Variants in SKP2 observed in about 807,000 individuals in gnomAD.
The protein encoded by SKP2 is S-phase kinase associated protein 2.
In SKP2, 16 loss-of-function variants were observed where a neutral mutation model predicts 51.8. The ratio of observed to expected loss-of-function variants is 0.31; its 90% CI spans 0.21 to 0.47. The LOEUF (loss-of-function observed/expected upper bound fraction) is 0.47. Ranked by LOEUF, SKP2 falls within the 20% of genes least tolerant of loss-of-function variation. The pLI is 1.00. For missense variants in SKP2, 377 were observed against 505.3 expected (o/e 0.75, Z 2.43); for synonymous variants, 176 against 198.6 (o/e 0.89, Z 0.96).
chr5:36,171,588 C>A lies in SKP2; in HGVS notation c.771-15C>A. ...GATGGTTTCATATTTTGTTTATTAC[C>A]CCTCTTTTGTGCAGACTGGATGAGC... On this transcript the variant is annotated splice_polypyrimidine_tract_variant and intron_variant, in intron 6 of 9. Transcript: ENST00000274255. 2 of 1,608,758 alleles carry A rather than the reference C, an allele frequency of 1.2e-6. No homozygotes were observed. Among genetic ancestry groups the A allele is most frequent in the Non-Finnish European group, 1.7e-6 (2 of 1,177,010 alleles).
At chr5:36,179,893 G>A (rs1311152240) in intron 9 of SKP2, among the ~76,000 whole-genome samples, 1 of 145,530 alleles carries the variant, frequency 6.9e-6, no homozygotes, top group Non-Finnish European at 1.5e-5. Flanking sequence ...CTGAGTTGTA[G>A]GTAATGCACA....
intron 8 of SKP2, 77 bp downstream of exon 8, chr5:36,177,093 T>C (rs1745658780): frequency 2.3e-6 from 3 of 1,327,358 alleles, no homozygotes; most frequent in Non-Finnish European, 3.2e-6. Context: ...AGGATCATAA[T>C]GTTGAAGCAA....
rs112367243 is a variant in SKP2, at chr5:36,172,475, C to G, written c.901+742C>G. Among the ~76,000 whole-genome samples the G allele has an allele frequency of 3.6e-3, 542 of 152,226 alleles. 6 individuals carry two copies. The highest frequency in any genetic ancestry group is 0.013 in the African/African-American group (523 of 41,548). ...TGCAAAGATAAGTGATTACAAATGG[C>G]AAGTTTTTTAAATGGCTTCACCGTC... On this transcript the variant is annotated intron_variant, in intron 7 of 9. Transcript: ENST00000274255.
intron 4 of SKP2, 84 bp from the exon 5 acceptor site, chr5:36,168,229 T>G: frequency 7.6e-7 from 1 of 1,314,050 alleles, no homozygotes; most frequent in Non-Finnish European, 1.1e-6. Flanking sequence ...TGGCTGCTCA[T>G]TTGGGGAGAA....
chr5:36,175,948 T>TA (rs1008960771), intron 7 of SKP2, among the ~76,000 whole-genome samples: 137 of 148,740 alleles, frequency 9.2e-4, no homozygotes, highest in African/African-American at 2.6e-3. Context: ...CTGAATTCTT[T>TA]AAAAAAAAAA....
chr5:36,170,588 A>C, intron 6 of SKP2, 146 bp downstream of exon 6: 1 of 534,700 alleles, frequency 1.9e-6, no homozygotes, highest in Non-Finnish European at 3.3e-6. Context: ...TTGCCCTCCT[A>C]ACTTTCTGTC....
At chr5:36,175,910 C>G (rs1460610629) in intron 7 of SKP2, among the ~76,000 whole-genome samples, 3 of 151,706 alleles carry the variant, frequency 2.0e-5, no homozygotes, top group Non-Finnish European at 4.4e-5. Context: ...AGTGGAATTA[C>G]TGGGCCAAAA....
At position 36,184,083 on chromosome 5, in the gene SKP2, G is replaced by A; in HGVS notation, c.*2052G>A. The A allele has an allele frequency of 5.9e-6, 5 of 840,342 alleles. No homozygotes were observed. The highest frequency in any genetic ancestry group is 9.2e-6 in the Non-Finnish European group (5 of 545,960). 52.1% of individuals were successfully genotyped at this position (840,342 alleles called of 1,614,324 possible). On this transcript the variant is annotated 3_prime_UTR_variant, in exon 10 of 10. Coordinates refer to ENST00000274255, the MANE Select transcript of SKP2 (RefSeq NM_005983.4). ...TTTTCTTTCTCTTTTTTTAAGTGCT[G>A]TGGTTAAAATTTGAAAGCATTTAGT...
chr5:36,188,133 G>A (rs372304545), downstream of SKP2, among the ~76,000 whole-genome samples: 6 of 152,030 alleles, frequency 3.9e-5, no homozygotes, highest in African/African-American at 7.2e-5. Flanking sequence ...ATCTCTGCAC[G>A]TGAGATGGGT....
At chr5:36,167,701 A>G (rs1579562180) in intron 4 of SKP2, among the ~76,000 whole-genome samples, 1 of 151,718 alleles carries the variant, frequency 6.6e-6, no homozygotes, top group African/African-American at 2.4e-5. Flanking sequence ...GCTCATTGCA[A>G]CCTCTGCCTG....
At chr5:36,157,879 G>A (rs1420535307) in intron 2 of SKP2, among the ~76,000 whole-genome samples, 1 of 152,178 alleles carries the variant, frequency 6.6e-6, no homozygotes, top group Non-Finnish European at 1.5e-5. Context: ...AAATAAATAT[G>A]TCAAGTAAGA....
At chr5:36,177,340 G>T in intron 9 of SKP2, 48 bp downstream of exon 9, 1 of 1,104,770 alleles carries the variant, frequency 9.1e-7, no homozygotes, top group South Asian at 1.2e-5. Flanking sequence ...GGAAACAACA[G>T]AGATGCCCCT....
chr5:36,152,231 A>T lies in SKP2; in HGVS notation c.-32A>T. On this transcript the variant is annotated 5_prime_UTR_variant, in exon 1 of 10. Coordinates refer to ENST00000274255, the MANE Select transcript of SKP2 (RefSeq NM_005983.4). ...AGGCGAGCAGCTCTGCAGTTAATGCACGTATTTTAAACTCCCGGGCCTGCG... is the reference window on the plus strand; with the variant it reads ...AGGCGAGCAGCTCTGCAGTTAATGCTCGTATTTTAAACTCCCGGGCCTGCG... The T allele has an allele frequency of 6.2e-7, 1 of 1,613,124 alleles. No individual in the cohort carries two copies. The highest frequency in any genetic ancestry group is 8.5e-7 in the Non-Finnish European group (1 of 1,179,084).
intron 9 of SKP2, among the ~76,000 whole-genome samples, chr5:36,178,195 A>G (rs985302243): frequency 2.0e-5 from 3 of 152,182 alleles, no homozygotes; most frequent in Admixed American, 6.5e-5. Context: ...CAGGTGCCCA[A>G]CATGTCTTGA....
intron 6 of SKP2, among the ~76,000 whole-genome samples, chr5:36,191,742 CTT>C (rs1308384355): frequency 2.0e-5 from 3 of 152,178 alleles, no homozygotes; most frequent in African/African-American, 4.8e-5. Flanking sequence ...AAAGAAACCT[CTT>C]GTCACTGCAT....
At chr5:36,191,377 T>C (rs964330361) in intron 6 of SKP2, among the ~76,000 whole-genome samples, 3 of 151,722 alleles carry the variant, frequency 2.0e-5, no homozygotes, top group Non-Finnish European at 2.9e-5. Flanking sequence ...CTCCAGAGGC[T>C]TGTATCATCA....
downstream of SKP2, among the ~76,000 whole-genome samples, chr5:36,185,405 A>T (rs1360931667): frequency 6.6e-6 from 1 of 152,202 alleles, no homozygotes; most frequent in Admixed American, 6.5e-5. Flanking sequence ...CTAAGTCTTT[A>T]ATCCATCTTG....
chr5:36,191,152 T>C (rs1475981914), intron 6 of SKP2, among the ~76,000 whole-genome samples: 2 of 152,214 alleles, frequency 1.3e-5, no homozygotes, highest in Non-Finnish European at 2.9e-5. Context: ...TCCCATAAAC[T>C]GGTGGTTAGA....
intron 2 of SKP2, 147 bp downstream of exon 2, chr5:36,153,189 G>A: frequency 1.6e-6 from 1 of 622,946 alleles, no homozygotes; most frequent in Non-Finnish European, 2.8e-6. Flanking sequence ...AGGGCAAGTC[G>A]TCAAGTATGC....
Sources: allele counts gnomAD v4.1 joint callset (sites outside exome capture counted in the v4.1 genomes callset), GRCh38; gene constraint gnomAD v4.1.1; transcripts MANE v1.5; gene names NCBI Gene and HGNC (gene_info 2026-07-23, HGNC 2026-07-21).